Variants in EDNRB observed in about 807,000 individuals in gnomAD.
EDNRB encodes Hirschsprung disease 2.
EDNRB carries 18 observed loss-of-function variants against 46.4 expected under a neutral mutation model. The ratio of observed to expected loss-of-function variants is 0.39; its 90% CI spans 0.27 to 0.57. The LOEUF (loss-of-function observed/expected upper bound fraction) is 0.57, where lower values mean the gene tolerates loss of function less well. Ranked by LOEUF, EDNRB falls within the 20% of genes least tolerant of loss-of-function variation. The pLI is 0.61. For missense variants in EDNRB, 434 were observed against 537.5 expected (o/e 0.81, Z 1.90); for synonymous variants, 213 against 204.9 (o/e 1.04, Z -0.34).
At position 77,896,574 on chromosome 13, in the gene EDNRB, C is replaced by A; in HGVS notation, c.*1626G>T. 2 of 1,546,566 alleles carry A rather than the reference C, an allele frequency of 1.3e-6. No homozygotes were observed. Among genetic ancestry groups the A allele is most frequent in the Non-Finnish European group, 1.7e-6 (2 of 1,144,916 alleles). On this transcript the variant is annotated 3_prime_UTR_variant, in exon 7 of 7. Coordinates refer to ENST00000646607, the MANE Select transcript of EDNRB (RefSeq NM_001122659.3). ...GTGGCCCAGCCTATTAAAAGAAAAA[C>A]AAAGTAAAAATTTGGGCATATTTTA...
intron 1 of EDNRB, among the ~76,000 whole-genome samples, chr13:77,935,341 G>T: frequency 6.6e-6 from 1 of 152,270 alleles, no homozygotes; most frequent in South Asian, 2.1e-4. Context: ...TAATGAAAAG[G>T]GTTCAGATGA....
intron 1 of EDNRB, among the ~76,000 whole-genome samples, chr13:77,931,761 CAAAAAAAAAAAAACA>C (rs1880413901): frequency 4.1e-5 from 4 of 97,772 alleles, no homozygotes; most frequent in African/African-American, 7.6e-5. Context: ...AAAAAAAAAA[CAAAAAAAAAAAAACA>C]AAAAAAACCT....
Position 77,970,451 on chromosome 13 carries a change from C to T in EDNRB, c.-52+4896G>A, listed in dbSNP as rs528622063. Among the ~76,000 whole-genome samples, 4 of 152,174 alleles carry T rather than the reference C, an allele frequency of 2.6e-5. No individual in the cohort carries two copies. In the East Asian group the frequency reaches 5.8e-4, roughly 22 times the overall value. On this transcript the variant is annotated intron_variant, in intron 1 of 7. Coordinates refer to the EDNRB transcript ENST00000646948. ...CTCTCTGAGTGAGCAATTCCTGTCCCTTTTTAGGATAGTTTGTAACTGTGT... is the reference window on the plus strand; with the variant it reads ...CTCTCTGAGTGAGCAATTCCTGTCCTTTTTTAGGATAGTTTGTAACTGTGT...
chr13:77,934,196 C>A (rs183294197), intron 1 of EDNRB, among the ~76,000 whole-genome samples: 1 of 152,056 alleles, frequency 6.6e-6, no homozygotes, highest in Non-Finnish European at 1.5e-5. Context: ...TAAGGAGTGT[C>A]CATACAGGAG....
rs1280579016 is a variant in EDNRB, at chr13:77,897,981, G to C, written c.*219C>G. On this transcript the variant is annotated 3_prime_UTR_variant, in exon 7 of 7. Coordinates refer to ENST00000646607, the MANE Select transcript of EDNRB (RefSeq NM_001122659.3). The stretch of plus-strand genomic sequence containing the variant: ...ACTGTAAAAAATTAAGTGCTTTCAC[G>C]ACGAGGCTTTCTTAATTCCCACTGA... 3.0e-6 allele frequency: 4 copies of C among 1,337,466 alleles called. No individual in the cohort carries two copies. The highest frequency in any genetic ancestry group is 3.8e-6 in the Non-Finnish European group (4 of 1,041,706). 82.8% of individuals were successfully genotyped at this position (1,337,466 alleles called of 1,614,324 possible).
chr13:77,958,950 T>A (rs972300880), intron 1 of EDNRB, among the ~76,000 whole-genome samples: 1 of 152,158 alleles, frequency 6.6e-6, no homozygotes, highest in Non-Finnish European at 1.5e-5. Flanking sequence ...TTGCCTGCAA[T>A]GGAAGGACAA....
chr13:77,955,822 T>C (rs1170564993), intron 1 of EDNRB, among the ~76,000 whole-genome samples: 1 of 151,336 alleles, frequency 6.6e-6, no homozygotes, highest in African/African-American at 2.4e-5. Context: ...TTCTGTTCCA[T>C]TGGGGTGTGT....
chr13:77,918,725 C>T lies in EDNRB; in HGVS notation c.-152G>A. On this transcript the variant is annotated 5_prime_UTR_variant, in exon 1 of 7. Coordinates refer to ENST00000646607, the MANE Select transcript of EDNRB (RefSeq NM_001122659.3). The surrounding 1 kb of genome is among the most constrained non-coding windows in gnomAD (Gnocchi z 4.5). ...CGCCCGCAGCCTCTTCGCCAGTATC[C>T]ACGCTCAAAAGTAACTCAAGTTTGC... The T allele has an allele frequency of 3.7e-6, 5 of 1,345,128 alleles. No homozygotes were observed. Among genetic ancestry groups the T allele is most frequent in the East Asian group, 2.8e-5 (1 of 35,576 alleles). The allele number at this position is 1,345,128 out of a possible 1,614,324, so 83.3% of individuals were successfully genotyped here. A position where few individuals can be genotyped will look rare whatever the true frequency, so the allele number is the denominator to read the frequency against.
In EDNRB at chr13:77,932,039, G is replaced by A. The variant is rs561475013; in HGVS notation, c.-51-13415C>T. On this transcript the variant is annotated intron_variant, in intron 1 of 7. Coordinates refer to the EDNRB transcript ENST00000646948. ...TTACAACATAGACTTAATTATGTTG[G>A]TGAATTATTAAAAAAAAAAAAAAAG... 2.5e-4 allele frequency among the ~76,000 whole-genome samples: 31 copies of A among 122,642 alleles called. No homozygotes were observed. In the South Asian group the frequency reaches 8.2e-3, roughly 33 times the overall value. The allele number at this position is 122,642 out of a possible 152,430, so 80.5% of individuals were successfully genotyped here.
At chr13:77,935,683 T>A (rs1039320755) in intron 1 of EDNRB, among the ~76,000 whole-genome samples, 1 of 152,186 alleles carries the variant, frequency 6.6e-6, no homozygotes, top group Non-Finnish European at 1.5e-5. Flanking sequence ...ATGGGGGCTG[T>A]CTGTGAAGCC....
intron 1 of EDNRB, among the ~76,000 whole-genome samples, 172 bp downstream of exon 1, chr13:77,917,919 A>G (rs1478985979): frequency 6.6e-6 from 1 of 152,114 alleles, no homozygotes; most frequent in Non-Finnish European, 1.5e-5. Context: ...ACTGACTTTT[A>G]TGAGTGGACA....
intron 1 of EDNRB, among the ~76,000 whole-genome samples, chr13:77,961,365 C>T (rs118110292): frequency 0.014 from 2,179 of 150,680 alleles, 46 homozygotes; most frequent in East Asian, 0.024. Context: ...AGCACCACGT[C>T]GCACATAGTT....
At chr13:77,968,527 A>G (rs1881641886) in intron 1 of EDNRB, among the ~76,000 whole-genome samples, 1 of 152,184 alleles carries the variant, frequency 6.6e-6, no homozygotes, top group South Asian at 2.1e-4. Context: ...TGGAAGAAAT[A>G]CTAAGTTGAA....
chr13:77,938,611 A>C (rs971553823), intron 1 of EDNRB, among the ~76,000 whole-genome samples: 5 of 152,172 alleles, frequency 3.3e-5, no homozygotes, highest in African/African-American at 1.2e-4. Context: ...GCATCCCTGC[A>C]ATGATTAAAC....
At chr13:77,945,699 G>A (rs1880883843) in intron 1 of EDNRB, among the ~76,000 whole-genome samples, 1 of 151,846 alleles carries the variant, frequency 6.6e-6, no homozygotes, top group Non-Finnish European at 1.5e-5. Flanking sequence ...ATAAAAATAA[G>A]GACACTAGAA....
intron 1 of EDNRB, among the ~76,000 whole-genome samples, chr13:77,910,750 G>A (rs1879525854): frequency 6.6e-6 from 1 of 151,966 alleles, no homozygotes; most frequent in African/African-American, 2.4e-5. Context: ...GCCCCCTAGA[G>A]TTGTGCAAGG....
At chr13:77,917,991 G>T in intron 1 of EDNRB, 100 bp downstream of exon 1, 1 of 1,573,490 alleles carries the variant, frequency 6.4e-7, no homozygotes, top group Non-Finnish European at 8.7e-7. Context: ...ACCTTAAGAG[G>T]GAGCTAAAGG....
intron 1 of EDNRB, among the ~76,000 whole-genome samples, chr13:77,926,731 G>A (rs997931522): frequency 6.6e-6 from 1 of 152,098 alleles, no homozygotes; most frequent in Non-Finnish European, 1.5e-5. Flanking sequence ...TATTTTTTCA[G>A]CAATGCCCCA....
At chr13:77,963,007 A>G (rs1463078268) in intron 1 of EDNRB, among the ~76,000 whole-genome samples, 1 of 152,128 alleles carries the variant, frequency 6.6e-6, no homozygotes, top group Non-Finnish European at 1.5e-5. Flanking sequence ...TCATGAGTGA[A>G]CTCCCATTCA....
Sources: gnomAD v4.1 joint callset for allele counts (sites outside exome capture counted in the v4.1 genomes callset) on GRCh38, gnomAD v4.1.1 for gene constraint, Gnocchi (gnomAD v3.1) non-coding constraint, MANE v1.5 for transcripts, NCBI Gene and HGNC (gene_info 2026-07-23, HGNC 2026-07-21) for gene names.